Variants in BCL2L13 observed in about 807,000 individuals in gnomAD.
BCL2L13 encodes bcl-2-like protein 13.
A neutral mutation model predicts 25.8 loss-of-function variants in BCL2L13; 13 were observed. The observed-to-expected ratio is 0.50, with a 90% CI of 0.33 to 0.80. The LOEUF is 0.80. Ranked by LOEUF, BCL2L13 falls within the 30% of genes least tolerant of loss-of-function variation. The pLI, the probability that BCL2L13 is intolerant of heterozygous loss-of-function variation, is 0.02. For missense variants in BCL2L13, 504 were observed against 574.9 expected, an observed-to-expected ratio of 0.88 and a Z score of 1.26; for synonymous variants, 244 against 230.3, an observed-to-expected ratio of 1.06 and a Z score of -0.54.
upstream of BCL2L13, among the ~76,000 whole-genome samples, chr22:17,636,777 G>T (rs1234898587): frequency 1.3e-5 from 2 of 152,022 alleles, no homozygotes; most frequent in Non-Finnish European, 2.9e-5. Context: ...CTGGGTGACA[G>T]AGCAAGACTC....
At chr22:17,685,802 C>A (rs780005205) in intron 3 of BCL2L13, among the ~76,000 whole-genome samples, 2 of 82,358 alleles carry the variant, frequency 2.4e-5, no homozygotes, top group South Asian at 4.6e-4. Context: ...GACAAAGTCT[C>A]GCTCTGTTGC....
intron 1 of BCL2L13, among the ~76,000 whole-genome samples, chr22:17,645,225 ATTTT>A (rs60836823): frequency 2.2e-4 from 21 of 97,624 alleles, no homozygotes; most frequent in Admixed American, 2.3e-4. Flanking sequence ...TAATAGTAGG[ATTTT>A]TTTTTTTTTT....
At chr22:17,679,785 C>G (rs1254417435) in intron 2 of BCL2L13, among the ~76,000 whole-genome samples, 1 of 152,092 alleles carries the variant, frequency 6.6e-6, no homozygotes, top group Non-Finnish European at 1.5e-5. Context: ...GTTTTGGTCT[C>G]CTTTATGTTC....
intron 1 of BCL2L13, among the ~76,000 whole-genome samples, chr22:17,652,201 A>G (rs928675106): frequency 2.0e-5 from 3 of 151,640 alleles, no homozygotes; most frequent in Admixed American, 6.6e-5. Flanking sequence ...TAAGCAAAAA[A>G]TTTTTTTTAA....
chr22:17,651,392 TA>T (rs3044584), intron 1 of BCL2L13, among the ~76,000 whole-genome samples: 102,520 of 151,230 alleles, frequency 0.68, 35,213 homozygotes, highest in East Asian at 0.82. Context: ...TTTATTTATT[TA>T]TTTATTTGAG....
intron 3 of BCL2L13, chr22:17,684,535 T>C (rs1012880385): frequency 6.0e-5 from 27 of 453,024 alleles, no homozygotes; most frequent in Non-Finnish European, 9.3e-5. Context: ...TCTGGAAATA[T>C]ACATAAATAG....
chr22:17,683,443 A>G (rs2059814886), intron 3 of BCL2L13, 122 bp downstream of exon 3: 12 of 593,816 alleles, frequency 2.0e-5, no homozygotes, highest in South Asian at 1.8e-4. Flanking sequence ...CCAATTATAC[A>G]TTGGTAGAAG....
At position 17,655,646 on chromosome 22, in the gene BCL2L13, A is replaced by C; in HGVS notation, c.-50-16A>C. 1 of 1,548,664 alleles carries C rather than the reference A, an allele frequency of 6.5e-7. No individual in the cohort carries two copies. The highest frequency in any genetic ancestry group is 8.7e-7 in the Non-Finnish European group (1 of 1,149,520). ...TAATAAACTTTAAACTGAAAAAATT[A>C]CTTTTTTGTTCTTAGGTTTTACACA... On this transcript the variant is annotated splice_polypyrimidine_tract_variant and intron_variant, in intron 1 of 6. Coordinates refer to ENST00000317582, the MANE Select transcript of BCL2L13 (RefSeq NM_015367.4).
At position 17,729,536 on chromosome 22, in the gene BCL2L13, GC is replaced by G. The variant is rs2061368780; in HGVS notation, c.*2004del. The G allele has an allele frequency of 6.6e-6, 1 of 152,192 alleles. No homozygotes were observed. The highest frequency in any genetic ancestry group is 2.1e-4 in the South Asian group (1 of 4,826). The allele number at this position is 152,192 out of a possible 1,614,324, so 9.4% of individuals were successfully genotyped here. A position where few individuals can be genotyped will look rare whatever the true frequency, so the allele number is the denominator to read the frequency against. On this transcript the variant is annotated 3_prime_UTR_variant, in exon 7 of 7. Coordinates refer to ENST00000317582, the MANE Select transcript of BCL2L13 (RefSeq NM_015367.4). ...CCTATGAGTTCCAGTATTAACACTT[GC>G]CAGTTCTGGATCCTCACACCCATTG...
chr22:17,704,270 G>C (rs751743250), intron 6 of BCL2L13, among the ~76,000 whole-genome samples: 1 of 151,980 alleles, frequency 6.6e-6, no homozygotes, highest in African/African-American at 2.4e-5. Context: ...ATTTTTAGTA[G>C]AGATAGGGCT....
intron 1 of BCL2L13, among the ~76,000 whole-genome samples, chr22:17,640,043 G>A (rs5992775): frequency 0.1 from 15,523 of 152,030 alleles, 1,004 homozygotes; most frequent in African/African-American, 0.18. Flanking sequence ...TAGTAGAGAC[G>A]GGGTTTCATC....
At chr22:17,695,029 A>G (rs1246582192) in intron 4 of BCL2L13, among the ~76,000 whole-genome samples, 1 of 142,584 alleles carries the variant, frequency 7.0e-6, no homozygotes, top group Non-Finnish European at 1.5e-5. Flanking sequence ...AATCTGCTAC[A>G]GGTGTGGCCA....
rs1227196714 is a variant in BCL2L13, at chr22:17,727,790, G to A, written c.*256G>A. The A allele has an allele frequency of 9.2e-6, 5 of 541,150 alleles. No homozygotes were observed. The highest frequency in any genetic ancestry group is 7.6e-5 in the African/African-American group (4 of 52,728). The allele number at this position is 541,150 out of a possible 1,614,324, so 33.5% of individuals were successfully genotyped here. ...GGGTAAAGCACCCCCTCCAGGACCG[G>A]GTTTCTCAGCCTTGGCACTAGTGCT... On this transcript the variant is annotated 3_prime_UTR_variant, in exon 7 of 7. Transcript: ENST00000317582.
Position 17,655,774 on chromosome 22 carries a change from C to T in BCL2L13, c.63C>T (p.Ser21=), listed in dbSNP as rs2058834784. The change falls in exon 2 of 7, where the codon AGC becomes AGT. Residue 21 remains serine, a synonymous_variant. Coordinates refer to ENST00000317582, the MANE Select transcript of BCL2L13 (RefSeq NM_015367.4). ...FHYETKYVVL[S]YLGLLSQEKL... The stretch of plus-strand genomic sequence containing the variant: ...ATGAAACAAAGTATGTTGTTCTCAG[C>T]TACTTGGGACTCCTCTCTCAAGAGA... 1 of 1,613,700 alleles carries T rather than the reference C, an allele frequency of 6.2e-7. No homozygotes were observed. The highest frequency in any genetic ancestry group is 8.5e-7 in the Non-Finnish European group (1 of 1,179,818).
At position 17,630,587 on chromosome 22, in the gene BCL2L13, TTTTC is replaced by T. The variant is rs1441472790; in HGVS notation, c.-650+1586_-650+1589del. Among the ~76,000 whole-genome samples the T allele has an allele frequency of 2.8e-3, 291 of 103,806 alleles. 2 individuals are homozygous for T. The highest frequency in any genetic ancestry group is 9.5e-3 in the African/African-American group (272 of 28,644). The allele number at this position is 103,806 out of a possible 152,430, so 68.1% of individuals were successfully genotyped here. On this transcript the variant is annotated intron_variant, in intron 1 of 6. Transcript: ENST00000399782. ...GCCACTGCACCCGGCCTTCTTTTTC[TTTTC>T]TTTTTTTTTTTTTTTTTGAGATGGA...
chr22:17,653,197 C>G (rs1003326575), intron 1 of BCL2L13, among the ~76,000 whole-genome samples: 3 of 152,110 alleles, frequency 2.0e-5, no homozygotes, highest in Non-Finnish European at 4.4e-5. Context: ...CGGGGACTGT[C>G]TGTATACCCT....
chr22:17,687,049 C>G (rs768881910), intron 3 of BCL2L13, among the ~76,000 whole-genome samples: 1 of 152,074 alleles, frequency 6.6e-6, no homozygotes, highest in Non-Finnish European at 1.5e-5. Flanking sequence ...CCATTTGCAT[C>G]TTTCTCGGAG....
At chr22:17,723,020 T>C (rs2061190461) in intron 6 of BCL2L13, among the ~76,000 whole-genome samples, 1 of 152,226 alleles carries the variant, frequency 6.6e-6, no homozygotes, top group Admixed American at 6.5e-5. Context: ...GAAGACTGTT[T>C]GAAATCCTTC....
chr22:17,640,899 T>TATATA (rs374146831), intron 1 of BCL2L13, among the ~76,000 whole-genome samples: 1 of 60,598 alleles, frequency 1.7e-5, no homozygotes, highest in African/African-American at 4.2e-5. Context: ...TATATATATA[T>TATATA]TTTTTTTTTG....
Sources: allele counts gnomAD v4.1 joint callset (sites outside exome capture counted in the v4.1 genomes callset), GRCh38; gene constraint gnomAD v4.1.1; transcripts MANE v1.5; gene names NCBI Gene and HGNC (gene_info 2026-07-23, HGNC 2026-07-21).